Variants in SMYD3 observed in about 807,000 individuals in gnomAD.
The protein encoded by SMYD3 is SET and MYND domain containing 3.
Under a neutral mutation model 57.7 loss-of-function variants are expected in SMYD3, and 36 were observed. The ratio of observed to expected loss-of-function variants is 0.62; its 90% CI spans 0.48 to 0.82. SMYD3 has a LOEUF of 0.82. Among genes scored for constraint, SMYD3 ranks in the 40% least tolerant of loss-of-function variants. SMYD3 has a pLI of 0.00. For missense variants in SMYD3, 515 were observed against 538.8 expected, an observed-to-expected ratio of 0.96 and a Z score of 0.44; for synonymous variants, 211 against 195.0, an observed-to-expected ratio of 1.08 and a Z score of -0.68.
chr1:246,296,026 C>T (rs2148603988), intron 5 of SMYD3, among the ~76,000 whole-genome samples: 1 of 152,226 alleles, frequency 6.6e-6, no homozygotes, highest in South Asian at 2.1e-4. Flanking sequence ...CCAGGACATT[C>T]TTGGATGTTT....
intron 5 of SMYD3, among the ~76,000 whole-genome samples, chr1:246,307,102 T>C (rs1484201432): frequency 1.3e-5 from 2 of 152,342 alleles, no homozygotes; most frequent in Middle Eastern, 3.4e-3. Context: ...CTCTGGAGTA[T>C]AAAATAGTTT....
At chr1:246,505,429 G>GAGCAGCAGCAGC (rs111391483) in intron 1 of SMYD3, among the ~76,000 whole-genome samples, 168 of 151,714 alleles carry the variant, frequency 1.1e-3, no homozygotes, top group African/African-American at 3.9e-3. Flanking sequence ...GTTTCCCAAG[G>GAGCAGCAGCAGC]AGCAGCAGCA....
intron 2 of SMYD3, among the ~76,000 whole-genome samples, chr1:246,354,666 A>G (rs1272455187): frequency 6.7e-6 from 1 of 150,124 alleles, no homozygotes; most frequent in African/African-American, 2.4e-5. Context: ...TTTTTTAAAC[A>G]TAGGATGTAG....
intron 1 of SMYD3, among the ~76,000 whole-genome samples, chr1:246,452,206 T>C (rs764519718): frequency 3.3e-5 from 5 of 152,186 alleles, no homozygotes; most frequent in Non-Finnish European, 5.9e-5. Flanking sequence ...TAAAAATTAC[T>C]GTCAAATCTC....
chr1:245,778,859 G>C (rs970448416), intron 10 of SMYD3, among the ~76,000 whole-genome samples: 2 of 152,012 alleles, frequency 1.3e-5, no homozygotes, highest in Non-Finnish European at 2.9e-5. Context: ...CTCTGTAAAA[G>C]ATACATTTAA....
chr1:246,417,324 G>A (rs1267035298), intron 1 of SMYD3: 1 of 152,240 alleles, frequency 6.6e-6, no homozygotes. Flanking sequence ...AATACACGGA[G>A]AACAGTAGGG....
At chr1:245,850,158 G>A (rs961577030) in intron 10 of SMYD3, among the ~76,000 whole-genome samples, 4 of 152,268 alleles carry the variant, frequency 2.6e-5, no homozygotes, top group East Asian at 1.9e-4. Context: ...GTCACAGGTC[G>A]CCCTGGCCAG....
chr1:245,939,173 A>G (rs200351203), intron 5 of SMYD3, among the ~76,000 whole-genome samples: 1 of 106,470 alleles, frequency 9.4e-6, no homozygotes, highest in Middle Eastern at 3.6e-3. Flanking sequence ...AAAAAAATTT[A>G]AAAAAAAAAG....
chr1:246,454,240 T>C (rs2067670107), intron 1 of SMYD3, among the ~76,000 whole-genome samples: 1 of 152,144 alleles, frequency 6.6e-6, no homozygotes, highest in African/African-American at 2.4e-5. Context: ...CCGTCACCAT[T>C]AGCACCATAA....
At chr1:246,238,274 G>A (rs2063543368) in intron 5 of SMYD3, among the ~76,000 whole-genome samples, 1 of 152,118 alleles carries the variant, frequency 6.6e-6, no homozygotes, top group East Asian at 1.9e-4. Flanking sequence ...CAAGCAATCT[G>A]CCCGCCTGAG....
intron 7 of SMYD3, among the ~76,000 whole-genome samples, chr1:245,926,799 A>C (rs1453333634): frequency 6.6e-6 from 1 of 152,204 alleles, no homozygotes; most frequent in African/African-American, 2.4e-5. Flanking sequence ...CCCCCAAATG[A>C]ATATTGCTGA....
chr1:246,353,731 T>A (rs1297376784), intron 2 of SMYD3, among the ~76,000 whole-genome samples: 1 of 152,208 alleles, frequency 6.6e-6, no homozygotes, highest in Non-Finnish European at 1.5e-5. Context: ...GTCCTCATTG[T>A]CCTTATTAAT....
intron 5 of SMYD3, among the ~76,000 whole-genome samples, chr1:246,130,961 C>G (rs1208045093): frequency 6.6e-6 from 1 of 152,152 alleles, no homozygotes. Context: ...CTCGTCTTAA[C>G]ACTCCTAGTC....
chr1:246,231,318 G>A (rs999138225), intron 5 of SMYD3, among the ~76,000 whole-genome samples: 1 of 152,112 alleles, frequency 6.6e-6, no homozygotes, highest in African/African-American at 2.4e-5. Context: ...GTCCAGAAAG[G>A]AGCTTCTGTA....
At chr1:246,153,008 C>G (rs909363825) in intron 5 of SMYD3, among the ~76,000 whole-genome samples, 1 of 152,134 alleles carries the variant, frequency 6.6e-6, no homozygotes, top group Non-Finnish European at 1.5e-5. Context: ...GGGAGTGTTT[C>G]CTCAACATAT....
chr1:245,766,788 T>C (rs904954458), intron 10 of SMYD3, among the ~76,000 whole-genome samples: 1 of 152,198 alleles, frequency 6.6e-6, no homozygotes, highest in African/African-American at 2.4e-5. Context: ...AAAGACAATC[T>C]TCAGTTCTAC....
intron 10 of SMYD3, among the ~76,000 whole-genome samples, chr1:245,801,411 TA>T (rs2047856089): frequency 1.3e-5 from 2 of 152,328 alleles, no homozygotes; most frequent in African/African-American, 4.8e-5. Flanking sequence ...CCACGGTAAC[TA>T]AACTTACTTC....
intron 5 of SMYD3, among the ~76,000 whole-genome samples, chr1:246,218,105 T>A (rs912174640): frequency 2.0e-5 from 3 of 151,888 alleles, no homozygotes; most frequent in Non-Finnish European, 4.4e-5. Flanking sequence ...CGAATAAATC[T>A]CAGAATACTA....
chr1:246,084,438 A>C (rs533777145), intron 5 of SMYD3, among the ~76,000 whole-genome samples: 10 of 151,746 alleles, frequency 6.6e-5, no homozygotes, highest in Admixed American at 1.3e-4. Context: ...CTGGTCTTCA[A>C]CTCCTGGGTT....
Sources: gnomAD v4.1 joint callset for allele counts (sites outside exome capture counted in the v4.1 genomes callset) on GRCh38, gnomAD v4.1.1 for gene constraint, MANE v1.5 for transcripts, NCBI Gene and HGNC (gene_info 2026-07-23, HGNC 2026-07-21) for gene names.